Variants in SNX29 observed in about 807,000 individuals in gnomAD.
SNX29 encodes sorting nexin-29.
In SNX29, 78 loss-of-function variants were observed where a neutral mutation model predicts 102.1. That is an observed-to-expected ratio of 0.76 (90% CI 0.64 to 0.92). The LOEUF (loss-of-function observed/expected upper bound fraction) is 0.92, where lower values mean the gene tolerates loss of function less well. SNX29 is among the 40% of genes least tolerant of loss of function. The pLI, the probability that SNX29 is intolerant of heterozygous loss-of-function variation, is 0.00. For synonymous variants in SNX29, 580 were observed against 414.5 expected, an observed-to-expected ratio of 1.40 and a Z score of -4.85; for missense variants, 1,280 against 1,061.7, an observed-to-expected ratio of 1.21 and a Z score of -2.86.
intron 14 of SNX29, among the ~76,000 whole-genome samples, chr16:12,209,709 A>G (rs1164132116): frequency 2.0e-5 from 3 of 152,256 alleles, no homozygotes; most frequent in Non-Finnish European, 1.5e-5. Flanking sequence ...AGTGGCCCCA[A>G]CTGTCTGCTG....
chr16:12,191,204 A>G (rs1351598795), intron 13 of SNX29, among the ~76,000 whole-genome samples: 2 of 152,134 alleles, frequency 1.3e-5, no homozygotes, highest in Non-Finnish European at 2.9e-5. Flanking sequence ...GCTGCTGCTG[A>G]TCTGACAGGA....
At chr16:12,324,031 C>G (rs1247331936) in intron 15 of SNX29, among the ~76,000 whole-genome samples, 1 of 151,404 alleles carries the variant, frequency 6.6e-6, no homozygotes, top group Admixed American at 6.6e-5. Context: ...CTCAATTTAT[C>G]CATGGGGCCT....
At chr16:12,342,431 T>A (rs1181043434) in intron 15 of SNX29, among the ~76,000 whole-genome samples, 2 of 152,222 alleles carry the variant, frequency 1.3e-5, no homozygotes, top group Non-Finnish European at 2.9e-5. Context: ...GCTGCCCCGT[T>A]CATGGGACAC....
At chr16:12,321,544 G>A (rs996474022) in intron 15 of SNX29, among the ~76,000 whole-genome samples, 7 of 152,256 alleles carry the variant, frequency 4.6e-5, no homozygotes, top group South Asian at 2.1e-4. Context: ...TTGAGAGAGC[G>A]GGGGGAGGAG....
intron 11 of SNX29, among the ~76,000 whole-genome samples, chr16:12,088,971 C>G (rs951948573): frequency 1.3e-5 from 2 of 151,998 alleles, no homozygotes; most frequent in Non-Finnish European, 2.9e-5. Context: ...ACCTGTGGTC[C>G]CAGGTACTAG....
intron 20 of SNX29, among the ~76,000 whole-genome samples, chr16:12,549,967 C>T (rs1567176117): frequency 6.6e-6 from 1 of 152,188 alleles, no homozygotes; most frequent in Non-Finnish European, 1.5e-5. Flanking sequence ...TGGAACATGC[C>T]CAGTCATTCA....
chr16:12,055,924 C>T (rs1034179982), intron 8 of SNX29, among the ~76,000 whole-genome samples: 1 of 152,122 alleles, frequency 6.6e-6, no homozygotes, highest in African/African-American at 2.4e-5. Context: ...ACTCCATGGC[C>T]CCGGCTGTAG....
At chr16:12,383,434 T>C (rs912303866) in intron 16 of SNX29, among the ~76,000 whole-genome samples, 10 of 152,046 alleles carry the variant, frequency 6.6e-5, no homozygotes, top group Admixed American at 3.9e-4. Context: ...AGTCACTTTC[T>C]TTTTTTTCTT....
intron 4 of SNX29, among the ~76,000 whole-genome samples, chr16:12,037,689 C>T (rs770298939): frequency 2.0e-5 from 3 of 151,790 alleles, no homozygotes; most frequent in Non-Finnish European, 2.9e-5. Context: ...CAGTGGTTTA[C>T]GCCTGTAATC....
At chr16:12,125,073 T>A (rs879610881) in intron 11 of SNX29, among the ~76,000 whole-genome samples, 1 of 152,188 alleles carries the variant, frequency 6.6e-6, no homozygotes, top group Non-Finnish European at 1.5e-5. Context: ...CCTCTGCTCG[T>A]GTGTGTCACT....
At chr16:12,492,099 C>T (rs992722155) in intron 19 of SNX29, among the ~76,000 whole-genome samples, 5 of 152,180 alleles carry the variant, frequency 3.3e-5, no homozygotes, top group African/African-American at 9.7e-5. Context: ...CCTGAGGAAT[C>T]GCCACACTGA....
At chr16:12,485,152 T>C (rs1280923074) in intron 19 of SNX29, among the ~76,000 whole-genome samples, 1 of 152,208 alleles carries the variant, frequency 6.6e-6, no homozygotes. Flanking sequence ...ACCCGACTTT[T>C]GGCTGAATAT....
intron 15 of SNX29, among the ~76,000 whole-genome samples, chr16:12,354,455 G>A (rs1187133946): frequency 1.3e-5 from 2 of 152,190 alleles, no homozygotes; most frequent in African/African-American, 4.8e-5. Context: ...TTGGATCTGG[G>A]ACGTTTCGGT....
chr16:12,140,948 T>A (rs1300786331), intron 13 of SNX29, among the ~76,000 whole-genome samples: 2 of 152,192 alleles, frequency 1.3e-5, no homozygotes, highest in Non-Finnish European at 2.9e-5. Context: ...AAAATCAGTA[T>A]AACACTCTAA....
chr16:12,510,013 A>C (rs955558295), intron 19 of SNX29, among the ~76,000 whole-genome samples: 8 of 152,192 alleles, frequency 5.3e-5, no homozygotes, highest in African/African-American at 1.9e-4. Context: ...CGTAGTCCTC[A>C]TTCTTTGGCT....
At chr16:12,300,573 C>A (rs547599672) in intron 15 of SNX29, among the ~76,000 whole-genome samples, 2 of 152,232 alleles carry the variant, frequency 1.3e-5, no homozygotes, top group South Asian at 4.2e-4. Flanking sequence ...CTGCTTTTCC[C>A]CAGCAGAGCA....
intron 14 of SNX29, among the ~76,000 whole-genome samples, chr16:12,232,267 C>T (rs1050722749): frequency 1.3e-5 from 2 of 152,218 alleles, no homozygotes; most frequent in African/African-American, 4.8e-5. Context: ...TGGCTCACAC[C>T]TGTAATCTTT....
In SNX29 at chr16:12,536,937, C is replaced by G. The variant is rs553317260; in HGVS notation, c.2318+12096C>G. On this transcript the variant is annotated intron_variant, in intron 20 of 20. Transcript: ENST00000566228. ...GTTGCAGTGAGCCGAGATCACAGCA[C>G]TGCACTCCAGCCTAGGCGACAGAGT... 3.3e-5 allele frequency among the ~76,000 whole-genome samples: 5 copies of G among 152,272 alleles called. No homozygotes were observed. In the South Asian group the frequency reaches 6.2e-4, roughly 19 times the overall value.
chr16:12,532,863 C>T (rs1278724850), intron 20 of SNX29, among the ~76,000 whole-genome samples: 3 of 152,322 alleles, frequency 2.0e-5, no homozygotes, highest in East Asian at 1.9e-4. Context: ...AGAAGCCTTC[C>T]CCTGCGTGAG....
Sources: gnomAD v4.1 joint callset for allele counts (sites outside exome capture counted in the v4.1 genomes callset) on GRCh38, gnomAD v4.1.1 for gene constraint, MANE v1.5 for transcripts, NCBI Gene and HGNC (gene_info 2026-07-23, HGNC 2026-07-21) for gene names.